The following EPHA6 variants were observed in gnomAD, a reference collection of about 807,000 sequenced individuals.
EPHA6 encodes EPH receptor A6, also known as ephrin type-A receptor 6.
A neutral mutation model predicts 112.0 loss-of-function variants in EPHA6; 50 were observed. That is an observed-to-expected ratio of 0.45 (90% CI 0.36 to 0.56). The LOEUF (loss-of-function observed/expected upper bound fraction) is 0.56, where lower values mean the gene tolerates loss of function less well. Among genes scored for constraint, EPHA6 ranks in the 20% least tolerant of loss-of-function variants. EPHA6 has a pLI of 0.00. For synonymous variants in EPHA6, 529 were observed against 490.7 expected, an observed-to-expected ratio of 1.08 and a Z score of -1.03; for missense variants, 1,280 against 1,417.4, an observed-to-expected ratio of 0.90 and a Z score of 1.56.
intron 14 of EPHA6, among the ~76,000 whole-genome samples, chr3:97,665,643 A>G (rs1327436490): frequency 1.3e-5 from 2 of 152,196 alleles, no homozygotes; most frequent in Non-Finnish European, 2.9e-5. Context: ...ACTACCAATT[A>G]TTCCACTTCT....
intron 3 of EPHA6, among the ~76,000 whole-genome samples, chr3:97,211,023 A>G (rs77902167): frequency 6.6e-6 from 1 of 152,312 alleles, no homozygotes; most frequent in Admixed American, 6.5e-5. Flanking sequence ...AGTTTCTAAA[A>G]GTAAGCATCC....
chr3:97,585,939 G>A (rs1263165154), intron 11 of EPHA6, among the ~76,000 whole-genome samples: 1 of 152,168 alleles, frequency 6.6e-6, no homozygotes, highest in African/African-American at 2.4e-5. Context: ...ATGGATAAAA[G>A]CATAAATTAG....
intron 15 of EPHA6, among the ~76,000 whole-genome samples, chr3:97,728,536 T>C (rs2034886115): frequency 6.6e-6 from 1 of 152,102 alleles, no homozygotes; most frequent in African/African-American, 2.4e-5. Context: ...TGAGAAATAT[T>C]CCTTAGAATG....
At chr3:97,179,043 T>C (rs1342133422) in intron 3 of EPHA6, among the ~76,000 whole-genome samples, 1 of 152,094 alleles carries the variant, frequency 6.6e-6, no homozygotes, top group Non-Finnish European at 1.5e-5. Flanking sequence ...TAGATGGTCT[T>C]CATGGTTTGT....
chr3:96,831,872 C>T (rs1458462347), intron 1 of EPHA6, among the ~76,000 whole-genome samples: 2 of 151,938 alleles, frequency 1.3e-5, no homozygotes, highest in Non-Finnish European at 1.5e-5. Context: ...CAGTGCAACA[C>T]CTGGAATGTA....
At chr3:96,842,767 T>A (rs2107330503) in intron 1 of EPHA6, among the ~76,000 whole-genome samples, 1 of 152,190 alleles carries the variant, frequency 6.6e-6, no homozygotes, top group South Asian at 2.1e-4. Context: ...GCAGAGAAAA[T>A]TCCCCCAGAA....
chr3:97,466,449 T>C (rs1207892322), intron 7 of EPHA6: 3 of 1,543,024 alleles, frequency 1.9e-6, no homozygotes, highest in African/African-American at 1.4e-5. Context: ...AAAACTGTAC[T>C]GGCTTAATGA....
chr3:97,077,630 G>A (rs996438079), intron 3 of EPHA6, among the ~76,000 whole-genome samples: 6 of 151,254 alleles, frequency 4.0e-5, no homozygotes, highest in African/African-American at 1.5e-4. Flanking sequence ...ACCTATGAGT[G>A]AGAACATGCG....
At chr3:97,251,188 C>T (rs1383404554) in intron 5 of EPHA6, among the ~76,000 whole-genome samples, 1 of 151,914 alleles carries the variant, frequency 6.6e-6, no homozygotes, top group Admixed American at 6.6e-5. Context: ...TTCTAAAAGC[C>T]TCTTTGAAGT....
At chr3:97,721,337 G>T (rs1170709599) in intron 15 of EPHA6, among the ~76,000 whole-genome samples, 3 of 152,126 alleles carry the variant, frequency 2.0e-5, no homozygotes, top group African/African-American at 7.2e-5. Flanking sequence ...ATCTCAAGTT[G>T]TCCAAGTATC....
intron 10 of EPHA6, among the ~76,000 whole-genome samples, chr3:97,521,561 A>C (rs1489125985): frequency 6.6e-6 from 1 of 152,188 alleles, no homozygotes; most frequent in East Asian, 1.9e-4. Context: ...TGAGAACATG[A>C]GAACTTACTG....
At chr3:97,237,323 T>C (rs2078709040) in intron 4 of EPHA6, among the ~76,000 whole-genome samples, 1 of 152,082 alleles carries the variant, frequency 6.6e-6, no homozygotes, top group Non-Finnish European at 1.5e-5. Flanking sequence ...GACACCTATA[T>C]GTAATGAATC....
intron 5 of EPHA6, among the ~76,000 whole-genome samples, chr3:97,292,013 G>A (rs1227324906): frequency 1.3e-5 from 2 of 152,248 alleles, no homozygotes; most frequent in Non-Finnish European, 2.9e-5. Context: ...GAGCAAACAA[G>A]CACAGGGTCC....
rs2035812065 is a variant in EPHA6, at chr3:97,748,601, T to C, written c.3293T>C (p.Ile1098Thr). 1.3e-6 allele frequency: 2 copies of C among 1,599,764 alleles called. No individual in the cohort carries two copies. The highest frequency in any genetic ancestry group is 2.2e-5 in the East Asian group (1 of 44,812). ...SRMSIDDIRR[I>T]GVILIGHQRR... ...CTTTCTTTCAGTGACATTAGAAGAA[T>C]TGGAGTCATACTTATTGGACACCAG... The change falls in exon 18 of 18, where the codon ATT becomes ACT. Residue 1098 changes from isoleucine (I) to threonine (T), a missense_variant. Coordinates refer to ENST00000389672, the MANE Select transcript of EPHA6 (RefSeq NM_001080448.3).
chr3:97,447,608 C>A, intron 6 of EPHA6: 1 of 183,482 alleles, frequency 5.5e-6, no homozygotes, highest in Non-Finnish European at 1.1e-5. Flanking sequence ...TTTAATTTGT[C>A]CCCACCACCA....
At chr3:97,043,234 C>T (rs2045381111) in intron 3 of EPHA6, among the ~76,000 whole-genome samples, 1 of 151,964 alleles carries the variant, frequency 6.6e-6, no homozygotes, top group South Asian at 2.1e-4. Context: ...AATATAGGAC[C>T]AGAGAGAAGA....
At position 97,141,379 on chromosome 3, in the gene EPHA6, G is replaced by A. The variant is rs1292782616; in HGVS notation, c.1115-84885G>A. On this transcript the variant is annotated intron_variant, in intron 3 of 17. Transcript: ENST00000389672. ...TCTACCTATCAGCCGCAGAATATAC[G>A]TTTTTCTCACCTGTGCATGGAAGAT... Among the ~76,000 whole-genome samples the A allele has an allele frequency of 5.3e-5, 8 of 152,082 alleles. No individual in the cohort carries two copies. In the East Asian group the frequency reaches 1.4e-3, roughly 26 times the overall value.
At chr3:96,875,198 G>C (rs946790276) in intron 2 of EPHA6, among the ~76,000 whole-genome samples, 55 of 151,998 alleles carry the variant, frequency 3.6e-4, no homozygotes, top group African/African-American at 1.3e-3. Flanking sequence ...GATCGTGGAA[G>C]GTAGAATTTC....
At chr3:97,702,632 A>G (rs563884668) in intron 14 of EPHA6, among the ~76,000 whole-genome samples, 31 of 152,294 alleles carry the variant, frequency 2.0e-4, no homozygotes, top group African/African-American at 7.5e-4. Flanking sequence ...TTTTTCTGTT[A>G]TATAACAGTA....
Sources: gnomAD v4.1 joint callset for allele counts (sites outside exome capture counted in the v4.1 genomes callset) on GRCh38, gnomAD v4.1.1 for gene constraint, MANE v1.5 for transcripts, NCBI Gene and HGNC (gene_info 2026-07-23, HGNC 2026-07-21) for gene names.